Variants in TBCD observed in about 807,000 individuals in gnomAD.
The protein encoded by TBCD is tubulin-specific chaperone D.
In TBCD, 105 loss-of-function variants were observed where a neutral mutation model predicts 169.3. That is an observed-to-expected ratio of 0.62 (90% CI 0.53 to 0.73). The LOEUF (loss-of-function observed/expected upper bound fraction) is 0.73, where lower values mean the gene tolerates loss of function less well. Ranked by LOEUF, TBCD falls within the 30% of genes least tolerant of loss-of-function variation. TBCD has a pLI of 0.00. For synonymous variants in TBCD, 700 were observed against 643.9 expected (o/e 1.09, Z -1.32); for missense variants, 1,444 against 1,600.1 (o/e 0.90, Z 1.66).
intron 9 of TBCD, among the ~76,000 whole-genome samples, chr17:82,802,877 A>AG: frequency 6.6e-6 from 1 of 152,378 alleles, no homozygotes; most frequent in African/African-American, 2.4e-5. Flanking sequence ...AAGCATCACA[A>AG]GCACTGAAAT....
intron 34 of TBCD, among the ~76,000 whole-genome samples, chr17:82,933,865 G>A (rs571884457): frequency 1.3e-5 from 2 of 152,154 alleles, no homozygotes; most frequent in Admixed American, 6.5e-5. Flanking sequence ...TGCCCACCTC[G>A]GCCTCCCAAA....
At position 82,915,941 on chromosome 17, in the gene TBCD, C is replaced by G. The variant is rs2060998721; in HGVS notation, c.2038+4152C>G. Among the ~76,000 whole-genome samples, 1 of 152,224 alleles carries G rather than the reference C, an allele frequency of 6.6e-6. No individual in the cohort carries two copies. The highest frequency in any genetic ancestry group is 2.4e-5 in the African/African-American group (1 of 41,464). ...GCCCTGTACACACCTGCCACCTCCC[C>G]TGTCCCCTCAGCAGAGACATGGCCG... On this transcript the variant is annotated intron_variant, in intron 23 of 38. Transcript: ENST00000355528. The surrounding 1 kb of genome is among the most constrained non-coding windows in gnomAD (Gnocchi z 4.3).
At chr17:82,942,133 A>T (rs1035337288) in intron 38 of TBCD, 1 of 507,670 alleles carries the variant, frequency 2.0e-6, no homozygotes, top group African/African-American at 2.0e-5. Context: ...GCTGAACTCA[A>T]CAGCAGACTT....
intron 17 of TBCD, among the ~76,000 whole-genome samples, chr17:82,896,872 G>T (rs1343533089): frequency 1.3e-5 from 2 of 151,878 alleles, no homozygotes; most frequent in Admixed American, 1.3e-4. Context: ...CGGCGCTGGG[G>T]GTGTTGGTCT....
At chr17:82,844,912 G>A (rs1366855761) in intron 13 of TBCD, among the ~76,000 whole-genome samples, 1 of 152,180 alleles carries the variant, frequency 6.6e-6, no homozygotes, top group African/African-American at 2.4e-5. Context: ...CACCTGGCCT[G>A]TGGAGTCCCC....
At chr17:82,799,096 C>G (rs752933402) in intron 8 of TBCD, among the ~76,000 whole-genome samples, 1 of 152,180 alleles carries the variant, frequency 6.6e-6, no homozygotes, top group African/African-American at 2.4e-5. Context: ...TTTTTCTCCA[C>G]GCAGAGGTTT....
At chr17:82,796,604 C>T (rs140597770) in intron 7 of TBCD, among the ~76,000 whole-genome samples, 7 of 152,186 alleles carry the variant, frequency 4.6e-5, no homozygotes, top group African/African-American at 1.2e-4. Context: ...GCTCCACAGG[C>T]GTGACTGGTG....
rs146766302 is a variant in TBCD at position 82,831,134 on chromosome 17, C to T, written c.1318+16200C>T. 1.3e-4 allele frequency: 203 copies of T among 1,613,996 alleles called. 1 individual carries two copies. The highest frequency in any genetic ancestry group is 1.9e-4 in the South Asian group (17 of 91,084). The stretch of plus-strand genomic sequence containing the variant: ...TCTGGCGGGTAGAGTCTTCCCAGTG[C>T]GCTGGAGGCTGCCTTGTTGGAGAGG... On this transcript the variant is annotated intron_variant, in intron 13 of 38. Transcript: ENST00000355528. This position sits in a 1 kb window ranked among gnomAD's most constrained non-coding sequence, Gnocchi z 4.6.
intron 14 of TBCD, among the ~76,000 whole-genome samples, chr17:82,883,905 C>T (rs1460302822): frequency 1.3e-5 from 2 of 152,156 alleles, no homozygotes; most frequent in Non-Finnish European, 2.9e-5. Flanking sequence ...TGTGCACCGT[C>T]TCGTGGCTCT....
At chr17:82,764,101 T>C (rs765052608) in intron 3 of TBCD, 39 bp downstream of exon 3, 13 of 1,491,872 alleles carry the variant, frequency 8.7e-6, no homozygotes, top group Admixed American at 1.8e-5. Context: ...ACAGATACTT[T>C]TGTAATATAC....
intron 13 of TBCD, among the ~76,000 whole-genome samples, chr17:82,836,941 TGA>T (rs1382664942): frequency 6.6e-6 from 1 of 152,124 alleles, no homozygotes; most frequent in Non-Finnish European, 1.5e-5. Flanking sequence ...CCCCTGGTGG[TGA>T]GAGTGTTTGG....
intron 14 of TBCD, among the ~76,000 whole-genome samples, chr17:82,882,714 CA>C (rs1599184280): frequency 6.6e-6 from 1 of 151,828 alleles, no homozygotes; most frequent in East Asian, 1.9e-4. Flanking sequence ...TCTGGGGCAA[CA>C]GACAGCGTGA....
rs770066026 is a variant in TBCD at position 82,768,582 on chromosome 17, A to T, written c.582+16A>T. 1 of 1,612,392 alleles carries T rather than the reference A, an allele frequency of 6.2e-7. No homozygotes were observed. The highest frequency in any genetic ancestry group is 8.5e-7 in the Non-Finnish European group (1 of 1,178,696). On this transcript the variant is annotated intron_variant, in intron 5 of 38. Coordinates refer to ENST00000355528, the MANE Select transcript of TBCD (RefSeq NM_005993.5). ...AATAGCAGAGGTAAATATCATGCAG[A>T]TAATTAGCTGCTAATTAGTACTCAC...
chr17:82,921,129 A>G, intron 24 of TBCD: 1 of 290,582 alleles, frequency 3.4e-6, no homozygotes, highest in South Asian at 6.0e-5. Context: ...AATAGCCTTC[A>G]CATTTGTTGC....
chr17:82,895,923 C>T (rs886545173), intron 17 of TBCD: 59 of 152,190 alleles, frequency 3.9e-4, no homozygotes, highest in African/African-American at 1.4e-3. Flanking sequence ...TCGCCCCACT[C>T]TCCTGTTCAT....
intron 2 of TBCD, 98 bp from the exon 3 acceptor site, chr17:82,763,867 A>C: frequency 1.0e-6 from 1 of 980,768 alleles, no homozygotes; most frequent in African/African-American, 1.6e-5. Context: ...GGTCTCCCAA[A>C]GTGCTGGGAA....
At chr17:82,912,138 GC>G (rs746486458) in intron 23 of TBCD, among the ~76,000 whole-genome samples, 55 of 152,232 alleles carry the variant, frequency 3.6e-4, no homozygotes, top group Non-Finnish European at 7.1e-4. Context: ...TCCGAGCACG[GC>G]CCCAGCGTGG....
chr17:82,927,110 A>C, intron 28 of TBCD, 76 bp from the exon 29 acceptor site: 1 of 1,583,836 alleles, frequency 6.3e-7, no homozygotes, highest in Admixed American at 1.7e-5. Context: ...GATCAGGAAC[A>C]CACATCAGCC....
chr17:82,846,141 G>A (rs1376968275), intron 13 of TBCD, among the ~76,000 whole-genome samples: 9 of 152,244 alleles, frequency 5.9e-5, no homozygotes, highest in African/African-American at 2.2e-4. Flanking sequence ...CAGAACTGTG[G>A]GATGGGACTG....
Sources: gnomAD v4.1 joint callset for allele counts (sites outside exome capture counted in the v4.1 genomes callset) on GRCh38, gnomAD v4.1.1 for gene constraint, Gnocchi (gnomAD v3.1) non-coding constraint, MANE v1.5 for transcripts, NCBI Gene and HGNC (gene_info 2026-07-23, HGNC 2026-07-21) for gene names.